Variants in CSRNP3 observed in about 807,000 individuals in gnomAD.
The protein encoded by CSRNP3 is cysteine and serine rich nuclear protein 3.
CSRNP3 carries 12 observed loss-of-function variants against 48.0 expected under a neutral mutation model. The ratio of observed to expected loss-of-function variants is 0.25; its 90% confidence interval spans 0.16 to 0.41. The LOEUF (loss-of-function observed/expected upper bound fraction) is 0.41, where lower values mean the gene tolerates loss of function less well. Ranked by LOEUF, CSRNP3 falls within the 10% of genes least tolerant of loss-of-function variation. The probability of loss-of-function intolerance (pLI) is 1.00; values close to 1 mark genes in which losing one functional copy is unlikely to be tolerated. For synonymous variants in CSRNP3, 263 were observed against 269.7 expected (o/e 0.98, Z 0.24); for missense variants, 580 against 724.4 (o/e 0.80, Z 2.29).
intron 4 of CSRNP3, among the ~76,000 whole-genome samples, chr2:165,628,060 G>C (rs1236992436): frequency 6.6e-6 from 1 of 152,180 alleles, no homozygotes; most frequent in East Asian, 1.9e-4. Flanking sequence ...AGAATGGTTA[G>C]TTTTTAGCCC....
intron 3 of CSRNP3, among the ~76,000 whole-genome samples, chr2:165,542,422 G>A (rs1684970699): frequency 6.6e-6 from 1 of 152,172 alleles, no homozygotes; most frequent in Non-Finnish European, 1.5e-5. Flanking sequence ...ACGTATGAGT[G>A]TAAGCATATA....
chr2:165,491,787 C>CT (rs1684211744), intron 1 of CSRNP3, among the ~76,000 whole-genome samples: 1 of 108,750 alleles, frequency 9.2e-6, no homozygotes, highest in Non-Finnish European at 1.8e-5. Flanking sequence ...ATATCACACT[C>CT]TGGGGACTGT....
intron 3 of CSRNP3, among the ~76,000 whole-genome samples, chr2:165,536,586 CT>C (rs1684885054): frequency 6.6e-6 from 1 of 151,774 alleles, no homozygotes; most frequent in South Asian, 2.1e-4. Context: ...TTGACCTCAC[CT>C]TTATAAAATT....
chr2:165,682,356 A>G lies in CSRNP3; in HGVS notation c.*2603A>G, dbSNP rs907226439. The G allele has an allele frequency of 1.3e-5, 2 of 152,054 alleles. No homozygotes were observed. The highest frequency in any genetic ancestry group is 2.9e-5 in the Non-Finnish European group (2 of 68,008). 9.4% of individuals were successfully genotyped at this position (152,054 alleles called of 1,614,324 possible). A position where few individuals can be genotyped will look rare whatever the true frequency, so the allele number is the denominator to read the frequency against. On this transcript the variant is annotated 3_prime_UTR_variant, in exon 7 of 7. Transcript: ENST00000651982. ...ATGACAGCTTCTATTCCAACTTTTCATATACCTGACTAACCTGTAAACATA... is the reference window on the plus strand; with the variant it reads ...ATGACAGCTTCTATTCCAACTTTTCGTATACCTGACTAACCTGTAAACATA...
At chr2:165,629,693 A>G (rs1431395158) in intron 4 of CSRNP3, among the ~76,000 whole-genome samples, 1 of 152,342 alleles carries the variant, frequency 6.6e-6, no homozygotes, top group Admixed American at 6.5e-5. Flanking sequence ...AGAAATGAAG[A>G]TATCTCGATA....
At chr2:165,616,307 C>T (rs1305970087) in intron 4 of CSRNP3, among the ~76,000 whole-genome samples, 2 of 151,990 alleles carry the variant, frequency 1.3e-5, no homozygotes, top group Non-Finnish European at 2.9e-5. Flanking sequence ...GTAATGATAA[C>T]ATTTAATTTG....
At chr2:165,560,691 G>A (rs58688815) in intron 3 of CSRNP3, among the ~76,000 whole-genome samples, 26 of 152,248 alleles carry the variant, frequency 1.7e-4, no homozygotes, top group Admixed American at 1.4e-3. Flanking sequence ...TTCTGTTTTA[G>A]GTAGGAAGCA....
chr2:165,651,657 CTTTT>C (rs35970195), intron 4 of CSRNP3, among the ~76,000 whole-genome samples: 1 of 132,216 alleles, frequency 7.6e-6, no homozygotes, highest in Non-Finnish European at 1.6e-5. Flanking sequence ...ATTTTGAAAG[CTTTT>C]TTTTTTTTTT....
intron 1 of CSRNP3, among the ~76,000 whole-genome samples, chr2:165,488,785 G>A (rs1419497216): frequency 2.0e-4 from 22 of 112,808 alleles, no homozygotes; most frequent in African/African-American, 5.7e-4. Flanking sequence ...TCTCTGGGAC[G>A]CATTCAAAGC....
At chr2:165,573,045 T>C (rs1685396457) in intron 3 of CSRNP3, among the ~76,000 whole-genome samples, 1 of 152,066 alleles carries the variant, frequency 6.6e-6, no homozygotes, top group Non-Finnish European at 1.5e-5. Context: ...AAAGGAAGGT[T>C]TGGAATATTT....
chr2:165,655,016 A>G (rs1686979149), intron 4 of CSRNP3, among the ~76,000 whole-genome samples: 1 of 152,198 alleles, frequency 6.6e-6, no homozygotes, highest in Admixed American at 6.5e-5. Flanking sequence ...GATTAAACAA[A>G]TCCATAACAT....
At chr2:165,578,173 C>G (rs1685483654) in intron 3 of CSRNP3, among the ~76,000 whole-genome samples, 1 of 151,944 alleles carries the variant, frequency 6.6e-6, no homozygotes, top group Non-Finnish European at 1.5e-5. Flanking sequence ...TACTTCTTGC[C>G]AATTTGGGGA....
At chr2:165,524,913 G>T (rs746126029) in intron 3 of CSRNP3, among the ~76,000 whole-genome samples, 6 of 152,182 alleles carry the variant, frequency 3.9e-5, no homozygotes, top group Non-Finnish European at 8.8e-5. Flanking sequence ...ATTTGTGTGA[G>T]AACTGAAGTT....
In CSRNP3 at chr2:165,657,999, G is replaced by C. The variant is rs1238601819; in HGVS notation, c.387G>C (p.Lys129Asn). The part of the protein sequence containing the change: ...EMLREHLREE[K>N]LNSLKLKMTK... ...TGAGAGAACACCTTAGGGAGGAAAA[G>C]CTGAACTCCTTAAAACTAAAGGTAA... The change falls in exon 5 of 7, where the codon AAG becomes AAC. Residue 129 changes from lysine (K) to asparagine (N), a missense_variant. Coordinates refer to ENST00000651982, the MANE Select transcript of CSRNP3 (RefSeq NM_001172173.2). The C allele has an allele frequency of 6.2e-7, 1 of 1,613,204 alleles. No individual in the cohort carries two copies. The highest frequency in any genetic ancestry group is 1.7e-5 in the Admixed American group (1 of 59,952).
chr2:165,669,716 T>A (rs181345156), intron 5 of CSRNP3, among the ~76,000 whole-genome samples: 41 of 152,284 alleles, frequency 2.7e-4, no homozygotes, highest in African/African-American at 9.6e-4. Context: ...GTTTTATTTG[T>A]AGAGAGTCTG....
intron 1 of CSRNP3, among the ~76,000 whole-genome samples, chr2:165,474,921 A>G (rs990120188): frequency 6.6e-6 from 1 of 152,174 alleles, no homozygotes; most frequent in Non-Finnish European, 1.5e-5. Flanking sequence ...GTCAAAATGC[A>G]TTTCAGCTTT....
intron 5 of CSRNP3, among the ~76,000 whole-genome samples, chr2:165,669,819 A>G (rs1185799044): frequency 6.6e-6 from 1 of 152,164 alleles, no homozygotes; most frequent in African/African-American, 2.4e-5. Context: ...GCCCACTCAC[A>G]CATGCCCACC....
At chr2:165,665,904 G>T (rs1423552495) in intron 5 of CSRNP3, among the ~76,000 whole-genome samples, 1 of 140,456 alleles carries the variant, frequency 7.1e-6, no homozygotes, top group Admixed American at 7.2e-5. Flanking sequence ...AGGGAGGGAA[G>T]GAAGCAAAGA....
intron 4 of CSRNP3, among the ~76,000 whole-genome samples, chr2:165,624,160 C>T (rs1288691997): frequency 6.6e-6 from 1 of 152,100 alleles, no homozygotes; most frequent in African/African-American, 2.4e-5. Flanking sequence ...GAAGGAAAAA[C>T]AGTTTTTATT....
Sources: gnomAD v4.1 joint callset for allele counts (sites outside exome capture counted in the v4.1 genomes callset) on GRCh38, gnomAD v4.1.1 for gene constraint, MANE v1.5 for transcripts, NCBI Gene and HGNC (gene_info 2026-07-23, HGNC 2026-07-21) for gene names.